Variants in AK3 observed in about 807,000 individuals in gnomAD.
The protein encoded by AK3 is adenylate kinase 3.
Under a neutral mutation model 23.7 loss-of-function variants are expected in AK3, and 27 were observed. That is an observed-to-expected ratio of 1.14 (90% CI 0.84 to 1.57). The LOEUF is 1.57. AK3 is among the 40% of genes most tolerant of loss of function. The pLI is 0.00. For missense variants in AK3, 406 were observed against 285.6 expected, an observed-to-expected ratio of 1.42 and a Z score of -3.04; for synonymous variants, 159 against 116.0, an observed-to-expected ratio of 1.37 and a Z score of -2.38.
At chr9:4,728,271 C>T (rs1016764995) in intron 1 of AK3, among the ~76,000 whole-genome samples, 3 of 152,122 alleles carry the variant, frequency 2.0e-5, no homozygotes, top group African/African-American at 7.2e-5. Flanking sequence ...CAACATATGC[C>T]TTTAAAAACA....
intron 4 of AK3, among the ~76,000 whole-genome samples, chr9:4,714,777 C>A (rs1369231154): frequency 6.6e-6 from 1 of 152,186 alleles, no homozygotes; most frequent in Non-Finnish European, 1.5e-5. Flanking sequence ...TAATGTCCCA[C>A]AGCTAAAAGG....
rs1841561166 is a variant in AK3 at position 4,711,505 on chromosome 9, G to A, written c.*1471C>T. 6.6e-6 allele frequency: 1 copy of A among 152,470 alleles called. No individual in the cohort carries two copies. Among genetic ancestry groups the A allele is most frequent in the Non-Finnish European group, 1.5e-5 (1 of 68,008 alleles). The allele number at this position is 152,470 out of a possible 1,614,324, so 9.4% of individuals were successfully genotyped here. A position where few individuals can be genotyped will look rare whatever the true frequency, so the allele number is the denominator to read the frequency against. Reference sequence around the variant, plus strand: ...AATTTTTTAAATATCAGAAGAAAAGGGAAATAAAATTTTCCCCCCAAAACA... The same window carrying A: ...AATTTTTTAAATATCAGAAGAAAAGAGAAATAAAATTTTCCCCCCAAAACA... On this transcript the variant is annotated 3_prime_UTR_variant, in exon 5 of 5. Coordinates refer to ENST00000381809, the MANE Select transcript of AK3 (RefSeq NM_016282.4).
intron 1 of AK3, among the ~76,000 whole-genome samples, chr9:4,729,724 G>A (rs1842110537): frequency 6.6e-6 from 1 of 151,852 alleles, no homozygotes; most frequent in Non-Finnish European, 1.5e-5. Flanking sequence ...CTACTTGGGA[G>A]GCTCAGGTGG....
At chr9:4,733,247 A>G (rs1296937998) in intron 1 of AK3, among the ~76,000 whole-genome samples, 2 of 152,190 alleles carry the variant, frequency 1.3e-5, no homozygotes, top group Non-Finnish European at 2.9e-5. Context: ...ATAAAACTTA[A>G]CTTTAAAAAT....
chr9:4,740,137 A>G (rs1216151840), intron 1 of AK3, among the ~76,000 whole-genome samples: 1 of 152,080 alleles, frequency 6.6e-6, no homozygotes, highest in African/African-American at 2.4e-5. Context: ...ATGGGTTTCA[A>G]AATGAGTTTC....
chr9:4,722,829 G>A (rs566460356), intron 1 of AK3, among the ~76,000 whole-genome samples: 16 of 152,254 alleles, frequency 1.1e-4, no homozygotes, highest in African/African-American at 3.6e-4. Context: ...GGCCCAGGCG[G>A]GTAGATCACC....
intron 1 of AK3, among the ~76,000 whole-genome samples, chr9:4,725,019 CTCTTTT>C (rs1841990522): frequency 1.9e-5 from 1 of 53,292 alleles, no homozygotes. Context: ...AGCTACTAAA[CTCTTTT>C]TTTTTTTTTT....
At chr9:4,728,978 CATAT>C (rs1251640576) in intron 1 of AK3, among the ~76,000 whole-genome samples, 19 of 131,340 alleles carry the variant, frequency 1.4e-4, no homozygotes, top group Admixed American at 2.4e-4. Context: ...TATATACCTA[CATAT>C]ATATACACAC....
At position 4,713,024 on chromosome 9, in the gene AK3, T is replaced by C; in HGVS notation, c.636A>G (p.Leu212=). 2 of 1,613,834 alleles carry C rather than the reference T, an allele frequency of 1.2e-6. No individual in the cohort carries two copies. Among genetic ancestry groups the C allele is most frequent in the Non-Finnish European group, 1.7e-6 (2 of 1,179,794 alleles). ...NKIWPYVYAF[L]QTKVPQRSQK... is the part of the protein sequence containing the mutation. ...GGCTTCTTTGTGGAACTTTAGTTTG[T>C]AGGAAAGCATATACATAGGGCCAAA... Residue 212 remains leucine, a synonymous_variant, in exon 5 of 5, where the codon CTA becomes CTG. Coordinates refer to ENST00000381809, the MANE Select transcript of AK3 (RefSeq NM_016282.4).
At chr9:4,726,970 T>C (rs1470726920) in intron 1 of AK3, among the ~76,000 whole-genome samples, 1 of 152,164 alleles carries the variant, frequency 6.6e-6, no homozygotes, top group Admixed American at 6.6e-5. Context: ...GCAGAGCTTT[T>C]GGGTGACCAG....
In AK3 at chr9:4,714,085, C is replaced by CATATACAG. The variant is rs1161361783; in HGVS notation, c.564-990_564-989insCTGTATAT. Among the ~76,000 whole-genome samples, 2 of 136,096 alleles carry CATATACAG rather than the reference C, an allele frequency of 1.5e-5. 1 individual carries two copies. The highest frequency in any genetic ancestry group is 5.9e-5 in the African/African-American group (2 of 33,984). The allele number at this position is 136,096 out of a possible 152,430, so 89.3% of individuals were successfully genotyped here. On this transcript the variant is annotated intron_variant, in intron 4 of 4. Coordinates refer to ENST00000381809, the MANE Select transcript of AK3 (RefSeq NM_016282.4). ...ATATACACACCTACACATATACACACCTACACATATACACACCTACACATA... is the reference window on the plus strand; with the variant it reads ...ATATACACACCTACACATATACACACATATACAGCTACACATATACACACCTACACATA...
chr9:4,713,911 C>T (rs1190601342), intron 4 of AK3, among the ~76,000 whole-genome samples: 19 of 139,820 alleles, frequency 1.4e-4, no homozygotes, highest in Non-Finnish European at 1.1e-4. Context: ...TACGCCTACA[C>T]ATATACACCT....
At chr9:4,740,726 C>T (rs1212913393) in intron 1 of AK3, among the ~76,000 whole-genome samples, 3 of 152,198 alleles carry the variant, frequency 2.0e-5, no homozygotes, top group Admixed American at 6.5e-5. Context: ...GTCCCTTCCC[C>T]CACCGCCACC....
At chr9:4,734,427 T>C (rs1014952001) in intron 1 of AK3, among the ~76,000 whole-genome samples, 1 of 152,236 alleles carries the variant, frequency 6.6e-6, no homozygotes, top group Admixed American at 6.5e-5. Context: ...CCTAGTGAAA[T>C]CAGTTGCTCT....
chr9:4,728,858 T>A (rs71490241), intron 1 of AK3, among the ~76,000 whole-genome samples: 19 of 71,914 alleles, frequency 2.6e-4, no homozygotes, highest in Non-Finnish European at 8.8e-5. Flanking sequence ...TATATATATA[T>A]ATATATATAC....
intron 4 of AK3, among the ~76,000 whole-genome samples, chr9:4,716,890 C>A (rs770189828): frequency 2.0e-5 from 3 of 152,128 alleles, no homozygotes; most frequent in Non-Finnish European, 4.4e-5. Flanking sequence ...ATGAAAGAAC[C>A]ACTGCACTCC....
At chr9:4,733,233 T>C (rs1156535343) in intron 1 of AK3, among the ~76,000 whole-genome samples, 1 of 152,104 alleles carries the variant, frequency 6.6e-6, no homozygotes, top group Non-Finnish European at 1.5e-5. Flanking sequence ...TCATTATAAA[T>C]GACATAAAAC....
chr9:4,737,223 A>G (rs1296256887), intron 1 of AK3, among the ~76,000 whole-genome samples: 1 of 145,176 alleles, frequency 6.9e-6, no homozygotes, highest in African/African-American at 2.4e-5. Flanking sequence ...TTCATGTGCT[A>G]GATTTATGTC....
At chr9:4,722,056 C>T (rs1475583580) in intron 2 of AK3, among the ~76,000 whole-genome samples, 2 of 152,154 alleles carry the variant, frequency 1.3e-5, no homozygotes, top group Non-Finnish European at 2.9e-5. Flanking sequence ...AAAGGCTTAT[C>T]CCAAGTTTAT....
Sources: gnomAD v4.1 joint callset for allele counts (sites outside exome capture counted in the v4.1 genomes callset) on GRCh38, gnomAD v4.1.1 for gene constraint, MANE v1.5 for transcripts, NCBI Gene and HGNC (gene_info 2026-07-23, HGNC 2026-07-21) for gene names.